The following KAZN variants were observed in gnomAD, a reference collection of about 807,000 sequenced individuals.
The protein encoded by KAZN is kazrin.
In KAZN, 40 loss-of-function variants were observed where a neutral mutation model predicts 87.4. That is an observed-to-expected ratio of 0.46 (90% CI 0.36 to 0.60). KAZN has a LOEUF of 0.60. KAZN is among the 20% of genes least tolerant of loss of function. The pLI is 0.00. For missense variants in KAZN, 898 were observed against 1,073.9 expected (o/e 0.84, Z 2.29); for synonymous variants, 466 against 458.3 (o/e 1.02, Z -0.22).
chr1:14,609,630 A>G (rs772235636), intron 1 of KAZN, among the ~76,000 whole-genome samples: 2 of 152,180 alleles, frequency 1.3e-5, no homozygotes, highest in Admixed American at 6.5e-5. Context: ...ATTCTCCTGC[A>G]TTTATTCACT....
At chr1:14,482,828 C>G (rs1023935405) in intron 2 of KAZN, among the ~76,000 whole-genome samples, 1 of 152,102 alleles carries the variant, frequency 6.6e-6, no homozygotes, top group East Asian at 1.9e-4. Context: ...TCCAAGTCAA[C>G]GGGAGCTAAT....
At chr1:13,986,799 G>A (rs1261786521) in intron 1 of KAZN, among the ~76,000 whole-genome samples, 1 of 152,154 alleles carries the variant, frequency 6.6e-6, no homozygotes, top group African/African-American at 2.4e-5. Context: ...CAGCCACCGG[G>A]GCCCTCGTGT....
chr1:14,897,557 T>C (rs1655405561), intron 1 of KAZN, among the ~76,000 whole-genome samples: 1 of 152,126 alleles, frequency 6.6e-6, no homozygotes, highest in South Asian at 2.1e-4. Flanking sequence ...AAAATAACAA[T>C]AGTAAGCCCG....
intron 2 of KAZN, among the ~76,000 whole-genome samples, chr1:14,261,685 A>G (rs1183767369): frequency 3.3e-5 from 5 of 152,090 alleles, no homozygotes; most frequent in African/African-American, 7.2e-5. Flanking sequence ...TTCCCTTCCA[A>G]TCACCCTCCC....
chr1:14,330,529 A>G (rs1463872536), intron 2 of KAZN, among the ~76,000 whole-genome samples: 1 of 152,218 alleles, frequency 6.6e-6, no homozygotes, highest in Non-Finnish European at 1.5e-5. Flanking sequence ...AGAAAAATGA[A>G]GACCACTTAT....
chr1:14,209,916 C>T (rs1646818653), intron 2 of KAZN, among the ~76,000 whole-genome samples: 2 of 152,116 alleles, frequency 1.3e-5, no homozygotes, highest in Non-Finnish European at 2.9e-5. Context: ...GTTTGTGGGG[C>T]CTGGAACTGT....
intron 1 of KAZN, among the ~76,000 whole-genome samples, chr1:14,893,365 CA>C (rs200635051): frequency 2.7e-5 from 4 of 150,218 alleles, no homozygotes; most frequent in East Asian, 3.9e-4. Context: ...GACTTTGTTT[CA>C]AAAAAAAAGA....
intron 1 of KAZN, among the ~76,000 whole-genome samples, chr1:14,026,428 A>G (rs1570558934): frequency 1.3e-5 from 2 of 152,344 alleles, no homozygotes; most frequent in South Asian, 4.1e-4. Context: ...TCCAGATTCC[A>G]TCTTAGCCCC....
At chr1:14,257,449 T>C (rs1348051779) in intron 2 of KAZN, among the ~76,000 whole-genome samples, 4 of 147,404 alleles carry the variant, frequency 2.7e-5, no homozygotes, top group Non-Finnish European at 4.4e-5. Context: ...TAGTTTCTTT[T>C]GCTGTGCAGA....
chr1:14,060,022 T>A (rs1341933379), intron 1 of KAZN, among the ~76,000 whole-genome samples: 1 of 152,224 alleles, frequency 6.6e-6, no homozygotes, highest in Non-Finnish European at 1.5e-5. Context: ...TCCTGCCTTC[T>A]CACCACTGTC....
At chr1:14,685,936 T>C (rs1361641379) in intron 1 of KAZN, among the ~76,000 whole-genome samples, 1 of 152,144 alleles carries the variant, frequency 6.6e-6, no homozygotes, top group Non-Finnish European at 1.5e-5. Context: ...TGATCATTGG[T>C]GAAGAAACTG....
intron 3 of KAZN, among the ~76,000 whole-genome samples, chr1:15,041,452 C>G (rs1672923854): frequency 6.6e-6 from 1 of 150,760 alleles, no homozygotes; most frequent in African/African-American, 2.5e-5. Flanking sequence ...ATTCTCCTGC[C>G]TCAGCCTCCC....
intron 1 of KAZN, among the ~76,000 whole-genome samples, chr1:14,107,007 TC>T (rs1644390254): frequency 1.0e-5 from 1 of 98,214 alleles, no homozygotes; most frequent in South Asian, 5.2e-4. Context: ...CCTCCCTGTC[TC>T]CCTCCCCTCC....
intron 2 of KAZN, among the ~76,000 whole-genome samples, chr1:14,274,093 C>T (rs900101311): frequency 6.6e-6 from 1 of 152,148 alleles, no homozygotes; most frequent in African/African-American, 2.4e-5. Context: ...CACTACGGTT[C>T]CTATGTCTTT....
rs371989785 is a variant in KAZN, at chr1:14,415,157, G to A, written c.250-183826G>A. ...AGACATCGTGTTGAAATGTAGCAAGGTCGATGATGGATCTAGTGTCAGCTA... is the reference window on the plus strand; with the variant it reads ...AGACATCGTGTTGAAATGTAGCAAGATCGATGATGGATCTAGTGTCAGCTA... On this transcript the variant is annotated intron_variant, in intron 2 of 16. Transcript: ENST00000636203. 3.2e-4 allele frequency among the ~76,000 whole-genome samples: 49 copies of A among 152,222 alleles called. No homozygotes were observed. In the South Asian group the frequency reaches 9.3e-3, roughly 29 times the overall value.
Position 14,610,192 on chromosome 1 carries a change from CTGTTTGTT to C in KAZN, c.226+10996_226+11003del, listed in dbSNP as rs59330567. On this transcript the variant is annotated intron_variant, in intron 1 of 14. Coordinates refer to ENST00000376030, the MANE Select transcript of KAZN (RefSeq NM_201628.3). ...ATCATCTGACTTCTCTTCCAATGAC[CTGTTTGTT>C]TGTTTGTTTGTTTGTTTGTTTGTTT... is the stretch of plus-strand genomic sequence containing the variant. Among the ~76,000 whole-genome samples the C allele has an allele frequency of 2.8e-3, 427 of 151,316 alleles. 3 individuals carry two copies. The highest frequency in any genetic ancestry group is 6.3e-3 in the African/African-American group (258 of 40,866).
intron 1 of KAZN, among the ~76,000 whole-genome samples, chr1:14,114,973 G>A (rs1195930885): frequency 6.6e-6 from 1 of 152,196 alleles, no homozygotes; most frequent in Non-Finnish European, 1.5e-5. Context: ...GGTCTATTGT[G>A]TACAAACCCC....
chr1:14,671,521 G>T (rs532367084), intron 1 of KAZN, among the ~76,000 whole-genome samples: 2 of 152,244 alleles, frequency 1.3e-5, no homozygotes, highest in East Asian at 3.9e-4. Context: ...AGCTCCCTAG[G>T]CACAAACCCT....
intron 1 of KAZN, among the ~76,000 whole-genome samples, chr1:13,983,331 C>A (rs771557893): frequency 2.6e-5 from 4 of 152,228 alleles, no homozygotes; most frequent in Admixed American, 6.5e-5. Context: ...TAAGGCCCAG[C>A]GAGAAATCCA....
Sources: gnomAD v4.1 joint callset for allele counts (sites outside exome capture counted in the v4.1 genomes callset) on GRCh38, gnomAD v4.1.1 for gene constraint, MANE v1.5 for transcripts, NCBI Gene and HGNC (gene_info 2026-07-23, HGNC 2026-07-21) for gene names.